PCBP3: variants seen among roughly 807,000 people sequenced by gnomAD.
PCBP3 encodes poly(rC)-binding protein 3.
PCBP3 carries 25 observed loss-of-function variants against 52.7 expected under a neutral mutation model. The ratio of observed to expected loss-of-function variants is 0.47; its 90% CI spans 0.35 to 0.66. The LOEUF (loss-of-function observed/expected upper bound fraction) is 0.66. Ranked by LOEUF, PCBP3 falls within the 30% of genes least tolerant of loss-of-function variation. The pLI, the probability that PCBP3 is intolerant of heterozygous loss-of-function variation, is 0.01. For synonymous variants in PCBP3, 162 were observed against 183.0 expected, an observed-to-expected ratio of 0.89 and a Z score of 0.93; for missense variants, 391 against 490.3, an observed-to-expected ratio of 0.80 and a Z score of 1.91.
chr21:45,785,438 G>A (rs2091053870), intron 4 of PCBP3, among the ~76,000 whole-genome samples: 2 of 149,328 alleles, frequency 1.3e-5, no homozygotes, highest in African/African-American at 5.0e-5. Context: ...CCCTCTGCCT[G>A]GCCAGCCGCC....
In PCBP3 at chr21:45,736,374, G is replaced by A. The variant is rs1446408188; in HGVS notation, c.-162+945G>A. On this transcript the variant is annotated intron_variant, in intron 3 of 17. Transcript: ENST00000681687. The surrounding 1 kb of genome is among the most constrained non-coding windows in gnomAD (Gnocchi z 4.6). Reference sequence around the variant, plus strand: ...GAGCTGCCTTGTTGATGGGACGTGGGTCGGAGCTCCCAGTGTGTCTTGCCT... The same window carrying A: ...GAGCTGCCTTGTTGATGGGACGTGGATCGGAGCTCCCAGTGTGTCTTGCCT... 6.6e-6 allele frequency among the ~76,000 whole-genome samples: 1 copy of A among 152,198 alleles called. No individual in the cohort carries two copies. The highest frequency in any genetic ancestry group is 1.5e-5 in the Non-Finnish European group (1 of 68,038).
At position 45,896,608 on chromosome 21, in the gene PCBP3, C is replaced by T. The variant is rs79068984; in HGVS notation, c.165+246C>T. ...CACATAGAACTGGAGACGCACTGCC[C>T]GGGCCATTGTCTCTGTAGGAAAGGC... On this transcript the variant is annotated intron_variant, in intron 6 of 17. Transcript: ENST00000681687. Among the ~76,000 whole-genome samples, 21 of 135,288 alleles carry T rather than the reference C, an allele frequency of 1.6e-4. 1 individual carries two copies. Among genetic ancestry groups the T allele is most frequent in the East Asian group, 1.3e-3 (5 of 3,840 alleles). The allele number at this position is 135,288 out of a possible 152,430, so 88.8% of individuals were successfully genotyped here. A position where few individuals can be genotyped will look rare whatever the true frequency, so the allele number is the denominator to read the frequency against.
In PCBP3 at chr21:45,656,219, G is replaced by A. The variant is rs2080008779; in HGVS notation, c.-279+12351G>A. On this transcript the variant is annotated intron_variant, in intron 1 of 17. Coordinates refer to ENST00000681687, the MANE Select transcript of PCBP3 (RefSeq NM_001384156.1). The surrounding 1 kb of genome is among the most constrained non-coding windows in gnomAD (Gnocchi z 4.3). Reference sequence around the variant, plus strand: ...ATATGTTTATTGCAGCATTGTTCACGATAGCAAAGACTTGGAACCCACCCA... The same window carrying A: ...ATATGTTTATTGCAGCATTGTTCACAATAGCAAAGACTTGGAACCCACCCA... Among the ~76,000 whole-genome samples, 2 of 152,098 alleles carry A rather than the reference G, an allele frequency of 1.3e-5. No individual in the cohort carries two copies. The highest frequency in any genetic ancestry group is 2.4e-5 in the African/African-American group (1 of 41,406).
At chr21:45,847,168 A>G (rs576322747) in intron 4 of PCBP3, among the ~76,000 whole-genome samples, 177 of 152,212 alleles carry the variant, frequency 1.2e-3, no homozygotes, top group African/African-American at 4.2e-3. Flanking sequence ...ACTGTTATAA[A>G]TAACACCTCT....
At chr21:45,851,369 A>C (rs921568396) in intron 5 of PCBP3, among the ~76,000 whole-genome samples, 22 of 152,290 alleles carry the variant, frequency 1.4e-4, no homozygotes, top group Middle Eastern at 3.4e-3. Flanking sequence ...AAAATTAGCC[A>C]GGTGTGGTGG....
chr21:45,893,259 T>G (rs1360235334), intron 5 of PCBP3, among the ~76,000 whole-genome samples: 3 of 136,444 alleles, frequency 2.2e-5, no homozygotes, highest in African/African-American at 8.5e-5. Context: ...TCTGTGTTGC[T>G]GGTTGGAGGC....
intron 4 of PCBP3, among the ~76,000 whole-genome samples, chr21:45,826,391 A>G (rs2093309719): frequency 6.6e-6 from 1 of 152,212 alleles, no homozygotes; most frequent in Non-Finnish European, 1.5e-5. Context: ...TGATCCACAT[A>G]ACGCAGGTGA....
At position 45,874,334 on chromosome 21, in the gene PCBP3, G is replaced by C. The variant is rs545524296; in HGVS notation, c.11-21874G>C. Among the ~76,000 whole-genome samples, 7 of 152,270 alleles carry C rather than the reference G, an allele frequency of 4.6e-5. No individual in the cohort carries two copies. The South Asian group carries it at 1.0e-3, about 23-fold the overall frequency. On this transcript the variant is annotated intron_variant, in intron 5 of 17. Transcript: ENST00000681687. ...GGGAGAATTAACATTTTAAATTATG[G>C]AGAGTTCGAGTCAATGAAAAATATG...
chr21:45,913,920 C>A, intron 11 of PCBP3, 31 bp from the exon 12 acceptor site: 2 of 1,584,336 alleles, frequency 1.3e-6, no homozygotes, highest in Non-Finnish European at 8.6e-7. Context: ...TGCTCTAACG[C>A]TCTCTCTCCC....
intron 2 of PCBP3, among the ~76,000 whole-genome samples, chr21:45,683,468 A>G (rs796404734): frequency 1.1e-4 from 16 of 152,306 alleles, no homozygotes; most frequent in African/African-American, 3.8e-4. Context: ...TTTTAGGGTT[A>G]TAGGAAGAGA....
chr21:45,938,171 A>G (rs2077076086), intron 16 of PCBP3, among the ~76,000 whole-genome samples: 3 of 152,222 alleles, frequency 2.0e-5, no homozygotes, highest in South Asian at 4.1e-4. Context: ...GCAGGGAGAT[A>G]CTTCCTCCAG....
intron 1 of PCBP3, among the ~76,000 whole-genome samples, chr21:45,666,432 A>T (rs899886880): frequency 2.0e-5 from 3 of 152,134 alleles, no homozygotes; most frequent in African/African-American, 7.2e-5. Context: ...CATTATAGTT[A>T]TATCTTTACT....
intron 4 of PCBP3, among the ~76,000 whole-genome samples, chr21:45,796,743 A>G (rs2091938528): frequency 6.6e-6 from 1 of 152,066 alleles, no homozygotes; most frequent in Non-Finnish European, 1.5e-5. Flanking sequence ...TTTTGTTAGC[A>G]TGTTTTTATG....
intron 4 of PCBP3, among the ~76,000 whole-genome samples, chr21:45,846,345 T>C (rs1398167603): frequency 1.3e-5 from 2 of 152,252 alleles, no homozygotes; most frequent in African/African-American, 4.8e-5. Flanking sequence ...TAGCATAGAC[T>C]GCTGTCTGCT....
intron 13 of PCBP3, chr21:45,918,264 T>C (rs1458881636): frequency 6.4e-6 from 1 of 155,800 alleles, no homozygotes; most frequent in African/African-American, 2.4e-5. Context: ...CGACACCTCT[T>C]TTCTGCTCCT....
chr21:45,806,037 G>T (rs766043028), intron 4 of PCBP3, among the ~76,000 whole-genome samples: 41 of 152,334 alleles, frequency 2.7e-4, no homozygotes, highest in Non-Finnish European at 1.6e-4. Context: ...GTCATGTTGG[G>T]ATGTTTTTTC....
At chr21:45,841,107 G>C (rs1276699350) in intron 4 of PCBP3, among the ~76,000 whole-genome samples, 1 of 152,142 alleles carries the variant, frequency 6.6e-6, no homozygotes, top group Non-Finnish European at 1.5e-5. Flanking sequence ...TCTCACCTAG[G>C]TTTGGGTAAG....
rs139148887 is a variant in PCBP3, at chr21:45,902,538, C to T, written c.339+1425C>T. On this transcript the variant is annotated intron_variant, in intron 9 of 17. Coordinates refer to ENST00000681687, the MANE Select transcript of PCBP3 (RefSeq NM_001384156.1). ...CTTTCTGTTGCTGAGTCATCCTGGCCGTTGTCTGATGGGAGACTGATGGAA... is the reference window on the plus strand; with the variant it reads ...CTTTCTGTTGCTGAGTCATCCTGGCTGTTGTCTGATGGGAGACTGATGGAA... Among the ~76,000 whole-genome samples, 11 of 152,312 alleles carry T rather than the reference C, an allele frequency of 7.2e-5. No homozygotes were observed. The East Asian group carries it at 1.2e-3, about 16-fold the overall frequency.
intron 5 of PCBP3, among the ~76,000 whole-genome samples, chr21:45,882,740 C>T (rs1372797896): frequency 6.6e-6 from 1 of 152,100 alleles, no homozygotes; most frequent in Admixed American, 6.6e-5. Context: ...TTCTTCTGCA[C>T]AGGGACATCC....
Sources: gnomAD v4.1 joint callset for allele counts (sites outside exome capture counted in the v4.1 genomes callset) on GRCh38, gnomAD v4.1.1 for gene constraint, Gnocchi (gnomAD v3.1) non-coding constraint, MANE v1.5 for transcripts, NCBI Gene and HGNC (gene_info 2026-07-23, HGNC 2026-07-21) for gene names.